The following TENM2 variants were observed in gnomAD, a reference collection of about 807,000 sequenced individuals.
TENM2 encodes the protein teneurin-2.
A neutral mutation model predicts 245.2 loss-of-function variants in TENM2; 52 were observed. The observed-to-expected ratio is 0.21, with a 90% CI of 0.17 to 0.27. The LOEUF (loss-of-function observed/expected upper bound fraction) is 0.27, where lower values mean the gene tolerates loss of function less well. Among genes scored for constraint, TENM2 ranks in the 10% least tolerant of loss-of-function variants. TENM2 has a pLI of 1.00. For missense variants in TENM2, 3,046 were observed against 3,666.8 expected (o/e 0.83, Z 4.37); for synonymous variants, 1,363 against 1,438.9 (o/e 0.95, Z 1.19).
chr5:168,097,903 T>A (rs191623069), intron 8 of TENM2, 123 bp from the exon 11 acceptor site: 2 of 675,972 alleles, frequency 3.0e-6, no homozygotes, highest in Admixed American at 4.5e-5. Flanking sequence ...TGCTGACCGA[T>A]CCCCTATGAC....
chr5:167,904,800 C>T (rs923623441), intron 3 of TENM2, among the ~76,000 whole-genome samples: 1 of 152,180 alleles, frequency 6.6e-6, no homozygotes, highest in African/African-American at 2.4e-5. Flanking sequence ...GCTGCCAGTT[C>T]TCTGAGGACT....
intron 2 of TENM2, among the ~76,000 whole-genome samples, chr5:167,459,911 AAC>A (rs57053799): frequency 0.048 from 7,171 of 149,562 alleles, 466 homozygotes; most frequent in African/African-American, 0.14. Context: ...TATAAAGATA[AAC>A]ACACACACAC....
intron 2 of TENM2, among the ~76,000 whole-genome samples, chr5:167,564,788 T>C (rs1773801347): frequency 1.3e-5 from 2 of 152,154 alleles, no homozygotes. Flanking sequence ...AAGGCTTTCT[T>C]TCATGGGGAT....
chr5:167,034,399 GGC>G, the TENM2 span, among the ~76,000 whole-genome samples: 1 of 152,168 alleles, frequency 6.6e-6, no homozygotes, highest in Non-Finnish European at 1.5e-5. Flanking sequence ...GGGAGGCCGA[GGC>G]GGGTGGATCA....
At chr5:168,004,508 C>CGCGT (rs1554170160) in intron 5 of TENM2, among the ~76,000 whole-genome samples, 104 of 76,642 alleles carry the variant, frequency 1.4e-3, no homozygotes, top group African/African-American at 5.8e-3. Context: ...TGCACGCATG[C>CGCGT]GCGCGCGCGC....
At chr5:168,079,743 C>T (rs1791810143) in intron 7 of TENM2, among the ~76,000 whole-genome samples, 1 of 152,170 alleles carries the variant, frequency 6.6e-6, no homozygotes, top group South Asian at 2.1e-4. Context: ...TATTGATTTG[C>T]ATATGTTGAA....
At chr5:167,487,311 TTAATC>T (rs1421946258) in intron 2 of TENM2, among the ~76,000 whole-genome samples, 3 of 152,182 alleles carry the variant, frequency 2.0e-5, no homozygotes, top group African/African-American at 7.2e-5. Context: ...CAAAAGGCCT[TTAATC>T]TAAACCAGAA....
chr5:167,528,474 T>C (rs1000434632), intron 2 of TENM2, among the ~76,000 whole-genome samples: 2 of 152,152 alleles, frequency 1.3e-5, no homozygotes, highest in African/African-American at 4.8e-5. Flanking sequence ...TAATTTCATC[T>C]TTAAACTTGA....
chr5:167,179,122 A>G, the TENM2 span, among the ~76,000 whole-genome samples: 1 of 152,170 alleles, frequency 6.6e-6, no homozygotes, highest in South Asian at 2.1e-4. Context: ...TCCACTCTCA[A>G]GGAGTTAAAA....
chr5:168,065,846 G>T (rs968080635), intron 7 of TENM2, among the ~76,000 whole-genome samples: 9 of 141,892 alleles, frequency 6.3e-5, no homozygotes, highest in African/African-American at 2.3e-4. Context: ...TAGCCTCAAA[G>T]AACAAAGGTT....
intron 27 of TENM2, among the ~76,000 whole-genome samples, chr5:168,251,339 A>G (rs1767097460): frequency 6.6e-6 from 1 of 152,264 alleles, no homozygotes; most frequent in Non-Finnish European, 1.5e-5. Flanking sequence ...GAATAGCAAT[A>G]CTGCTTTTCT....
At chr5:167,181,054 T>C in the TENM2 span, among the ~76,000 whole-genome samples, 14 of 152,088 alleles carry the variant, frequency 9.2e-5, no homozygotes, top group South Asian at 1.9e-3. Flanking sequence ...TTCTCAATCC[T>C]AGTGTTTCTT....
the TENM2 span, among the ~76,000 whole-genome samples, chr5:167,074,429 A>T: frequency 6.6e-6 from 1 of 152,168 alleles, no homozygotes. Context: ...CTCATGATGG[A>T]GGTGTTCATA....
At chr5:167,728,318 G>C (rs560822780) in intron 2 of TENM2, among the ~76,000 whole-genome samples, 2 of 152,078 alleles carry the variant, frequency 1.3e-5, no homozygotes, top group South Asian at 4.2e-4. Flanking sequence ...AAATGGAATG[G>C]CTGGCCAGGC....
intron 2 of TENM2, among the ~76,000 whole-genome samples, chr5:167,791,226 G>T (rs1385569249): frequency 6.6e-6 from 1 of 151,632 alleles, no homozygotes; most frequent in Non-Finnish European, 1.5e-5. Context: ...GTATACTTTT[G>T]ATTTCTCTCA....
At chr5:167,191,340 A>G in the TENM2 span, among the ~76,000 whole-genome samples, 3 of 152,028 alleles carry the variant, frequency 2.0e-5, no homozygotes, top group African/African-American at 7.2e-5. Flanking sequence ...AGATTGGTTG[A>G]CTGCAACTTC....
At chr5:167,510,778 T>C (rs1769896296) in intron 2 of TENM2, among the ~76,000 whole-genome samples, 1 of 152,186 alleles carries the variant, frequency 6.6e-6, no homozygotes, top group Non-Finnish European at 1.5e-5. Flanking sequence ...CCTATGATTA[T>C]ATCTACGTCA....
At chr5:168,006,303 G>A (rs1366646243) in intron 5 of TENM2, among the ~76,000 whole-genome samples, 2 of 152,148 alleles carry the variant, frequency 1.3e-5, no homozygotes, top group East Asian at 1.9e-4. Context: ...ACTTAACATC[G>A]CTACCCTGAA....
At chr5:167,970,576 G>A (rs541898734) in intron 4 of TENM2, among the ~76,000 whole-genome samples, 2 of 152,096 alleles carry the variant, frequency 1.3e-5, no homozygotes, top group Non-Finnish European at 2.9e-5. Context: ...ACCATGAATG[G>A]GAAACATTTA....
Sources: gnomAD v4.1 joint callset for allele counts (sites outside exome capture counted in the v4.1 genomes callset) on GRCh38, gnomAD v4.1.1 for gene constraint, MANE v1.5 for transcripts, NCBI Gene and HGNC (gene_info 2026-07-23, HGNC 2026-07-21) for gene names.